The following TMEM178A variants were observed in gnomAD, a reference collection of about 807,000 sequenced individuals.
TMEM178A encodes the protein transmembrane protein 178A.
A neutral mutation model predicts 29.1 loss-of-function variants in TMEM178A; 12 were observed. The ratio of observed to expected loss-of-function variants is 0.41; its 90% confidence interval spans 0.26 to 0.67. The LOEUF (loss-of-function observed/expected upper bound fraction) is 0.67. Ranked by LOEUF, TMEM178A falls within the 30% of genes least tolerant of loss-of-function variation. The pLI is 0.29. For synonymous variants in TMEM178A, 210 were observed against 187.2 expected, an observed-to-expected ratio of 1.12 and a Z score of -0.99; for missense variants, 366 against 419.1, an observed-to-expected ratio of 0.87 and a Z score of 1.11.
intron 1 of TMEM178A, among the ~76,000 whole-genome samples, chr2:39,691,634 G>A (rs1249817628): frequency 1.3e-5 from 2 of 151,990 alleles, no homozygotes; most frequent in African/African-American, 2.4e-5. Context: ...CCCACTTCTG[G>A]GTATTTATCC....
At chr2:39,708,537 G>A (rs927061931) in intron 3 of TMEM178A, among the ~76,000 whole-genome samples, 1 of 144,210 alleles carries the variant, frequency 6.9e-6, no homozygotes, top group African/African-American at 2.6e-5. Flanking sequence ...TCCTGCCTCA[G>A]CCTCCCGTGT....
intron 1 of TMEM178A, among the ~76,000 whole-genome samples, chr2:39,691,686 C>T (rs1316807260): frequency 6.6e-6 from 1 of 152,062 alleles, no homozygotes; most frequent in Non-Finnish European, 1.5e-5. Context: ...GTCTACACTC[C>T]CATGTTCTTT....
intron 1 of TMEM178A, among the ~76,000 whole-genome samples, chr2:39,683,922 T>G (rs1257001159): frequency 6.6e-6 from 1 of 152,240 alleles, no homozygotes; most frequent in Non-Finnish European, 1.5e-5. Context: ...ATTGACTTCT[T>G]TATTGATTTG....
downstream of TMEM178A, among the ~76,000 whole-genome samples, chr2:39,720,272 A>G (rs535515575): frequency 1.1e-4 from 17 of 152,324 alleles, no homozygotes; most frequent in African/African-American, 3.8e-4. Context: ...TTGAAGTCTG[A>G]GAATGACAAA....
chr2:39,689,078 T>C (rs1319335201), intron 1 of TMEM178A, among the ~76,000 whole-genome samples: 1 of 152,206 alleles, frequency 6.6e-6, no homozygotes, highest in Admixed American at 6.5e-5. Context: ...AATTAGTCAA[T>C]TCAGCTTGAT....
chr2:39,727,319 A>C, the TMEM178A span, among the ~76,000 whole-genome samples: 2 of 152,366 alleles, frequency 1.3e-5, no homozygotes, highest in African/African-American at 4.8e-5. Context: ...TAAATAAAGA[A>C]GCAAATGAAC....
At chr2:39,700,172 T>A (rs986027732) in intron 1 of TMEM178A, among the ~76,000 whole-genome samples, 1 of 152,198 alleles carries the variant, frequency 6.6e-6, no homozygotes, top group African/African-American at 2.4e-5. Context: ...TGGTTTATAA[T>A]GTTGTTCAAG....
rs538027791 is a variant in TMEM178A, at chr2:39,708,580, G to A, written c.652+1394G>A. ...ACTACAGGCGCGCGCCACCATGCCC[G>A]GCTAATTTTTGTATTTTTAGTAGAG... On this transcript the variant is annotated intron_variant, in intron 3 of 3. Coordinates refer to ENST00000281961, the MANE Select transcript of TMEM178A (RefSeq NM_152390.3). Among the ~76,000 whole-genome samples the A allele has an allele frequency of 2.7e-3, 409 of 150,970 alleles. 2 individuals carry two copies. The highest frequency in any genetic ancestry group is 3.8e-3 in the Non-Finnish European group (259 of 67,712).
intron 2 of TMEM178A, among the ~76,000 whole-genome samples, chr2:39,704,445 G>T (rs72934302): frequency 0.022 from 3,373 of 152,260 alleles, 114 homozygotes; most frequent in African/African-American, 0.076. Flanking sequence ...TCTGTACACA[G>T]CTGCCTACTG....
intron 1 of TMEM178A, among the ~76,000 whole-genome samples, chr2:39,678,166 G>T (rs2540250): frequency 1.3e-5 from 2 of 151,978 alleles, no homozygotes; most frequent in East Asian, 1.9e-4. Context: ...TAAAAATATC[G>T]GATAGATTCC....
chr2:39,691,212 C>T (rs964708398), intron 1 of TMEM178A, among the ~76,000 whole-genome samples: 2 of 152,122 alleles, frequency 1.3e-5, no homozygotes, highest in African/African-American at 4.8e-5. Context: ...TCCAGATCCA[C>T]AATGCTCAAA....
At chr2:39,668,648 A>T (rs1195313839) in intron 1 of TMEM178A, among the ~76,000 whole-genome samples, 7 of 152,240 alleles carry the variant, frequency 4.6e-5, no homozygotes, top group Non-Finnish European at 8.8e-5. Context: ...AACGCTATTA[A>T]GCAATGAGGA....
At chr2:39,682,872 AGGTGT>A (rs1670925897) in intron 1 of TMEM178A, among the ~76,000 whole-genome samples, 1 of 152,202 alleles carries the variant, frequency 6.6e-6, no homozygotes, top group African/African-American at 2.4e-5. Flanking sequence ...GATGACTGAC[AGGTGT>A]GAGCAGATCT....
At chr2:39,706,044 T>TA (rs1672016821) in intron 2 of TMEM178A, among the ~76,000 whole-genome samples, 1 of 152,132 alleles carries the variant, frequency 6.6e-6, no homozygotes, top group African/African-American at 2.4e-5. Flanking sequence ...AAGCATTTTT[T>TA]AAAAAAAGAA....
chr2:39,678,077 C>G (rs1220756362), intron 1 of TMEM178A, among the ~76,000 whole-genome samples: 1 of 152,190 alleles, frequency 6.6e-6, no homozygotes, highest in Non-Finnish European at 1.5e-5. Flanking sequence ...AGGGAACCAT[C>G]TCCATAGATC....
the TMEM178A span, among the ~76,000 whole-genome samples, chr2:39,730,308 C>T: frequency 2.0e-5 from 3 of 152,250 alleles, no homozygotes; most frequent in South Asian, 4.1e-4. Context: ...AATTTGGGGG[C>T]ACCTCTTTTC....
At chr2:39,718,397 A>G (rs1672629058), downstream of TMEM178A, among the ~76,000 whole-genome samples, 1 of 152,328 alleles carries the variant, frequency 6.6e-6, no homozygotes, top group Admixed American at 6.5e-5. Flanking sequence ...CTCACCCCAG[A>G]CCAATTAACT....
chr2:39,673,454 C>T (rs1670486469), intron 1 of TMEM178A, among the ~76,000 whole-genome samples: 1 of 152,208 alleles, frequency 6.6e-6, no homozygotes, highest in South Asian at 2.1e-4. Context: ...AGTGTTCAGA[C>T]TTTTTAATAT....
the TMEM178A span, among the ~76,000 whole-genome samples, chr2:39,729,210 C>T: frequency 4.6e-5 from 7 of 152,254 alleles, no homozygotes; most frequent in South Asian, 4.1e-4. Context: ...CCACCCCTGC[C>T]GGGGATCCAC....
Sources: allele counts gnomAD v4.1 joint callset (sites outside exome capture counted in the v4.1 genomes callset), GRCh38; gene constraint gnomAD v4.1.1; transcripts MANE v1.5; gene names NCBI Gene and HGNC (gene_info 2026-07-23, HGNC 2026-07-21).